The following WDR41 variants were observed in gnomAD, a reference collection of about 807,000 sequenced individuals.
The protein encoded by WDR41 is WD repeat-containing protein 41.
A neutral mutation model predicts 69.3 loss-of-function variants in WDR41; 63 were observed. That is an observed-to-expected ratio of 0.91 (90% CI 0.74 to 1.12). The LOEUF (loss-of-function observed/expected upper bound fraction) is 1.12, where lower values mean the gene tolerates loss of function less well. WDR41 is among the 50% of genes most tolerant of loss of function. The pLI, the probability that WDR41 is intolerant of heterozygous loss-of-function variation, is 0.00. For missense variants in WDR41, 543 were observed against 534.5 expected, an observed-to-expected ratio of 1.02 and a Z score of -0.16; for synonymous variants, 185 against 192.1, an observed-to-expected ratio of 0.96 and a Z score of 0.31.
chr5:77,602,775 A>C (rs1380214370), intron 1 of WDR41, among the ~76,000 whole-genome samples: 1 of 152,116 alleles, frequency 6.6e-6, no homozygotes, highest in African/African-American at 2.4e-5. Context: ...GCCCAGTAGT[A>C]GAATTTCTGG....
At chr5:77,557,555 A>T (rs1477533965) in intron 1 of WDR41, among the ~76,000 whole-genome samples, 1 of 152,220 alleles carries the variant, frequency 6.6e-6, no homozygotes, top group South Asian at 2.1e-4. Flanking sequence ...AAATTCTGAC[A>T]ATATTAAATG....
intron 1 of WDR41, among the ~76,000 whole-genome samples, chr5:77,562,115 AC>A (rs1743538571): frequency 6.6e-6 from 1 of 152,110 alleles, no homozygotes; most frequent in African/African-American, 2.4e-5. Context: ...GATGGCTGTG[AC>A]CTTCATGGTG....
chr5:77,615,143 A>G (rs900536282), intron 1 of WDR41, among the ~76,000 whole-genome samples: 2 of 152,202 alleles, frequency 1.3e-5, no homozygotes, highest in Non-Finnish European at 2.9e-5. Context: ...GCCCAACTCT[A>G]CAAGTTTATT....
chr5:77,486,670 CCA>C (rs1801537580), intron 2 of WDR41, among the ~76,000 whole-genome samples: 1 of 152,164 alleles, frequency 6.6e-6, no homozygotes, highest in Non-Finnish European at 1.5e-5. Context: ...TGGAGGGAGA[CCA>C]CAGTCATTTC....
intron 12 of WDR41, 46 bp from the exon 13 acceptor site, chr5:77,433,333 G>C (rs1554106899): frequency 1.3e-6 from 2 of 1,579,998 alleles, no homozygotes; most frequent in South Asian, 2.3e-5. Context: ...GAAAAGCAGA[G>C]AAGTGTCTAA....
At chr5:77,491,981 G>A (rs1801815149) in intron 1 of WDR41, 189 bp downstream of exon 1, 1 of 659,704 alleles carries the variant, frequency 1.5e-6, no homozygotes, top group Admixed American at 3.3e-5. Context: ...GGGTCCCGCC[G>A]GGTCTGAGGA....
chr5:77,588,633 A>C (rs1203295183), intron 1 of WDR41, among the ~76,000 whole-genome samples: 4 of 152,068 alleles, frequency 2.6e-5, no homozygotes, highest in Non-Finnish European at 5.9e-5. Context: ...AATTCTCATT[A>C]TTTGCAATAG....
At chr5:77,495,487 A>G (rs1187809416), upstream of WDR41, among the ~76,000 whole-genome samples, 4 of 152,094 alleles carry the variant, frequency 2.6e-5, no homozygotes, top group Non-Finnish European at 4.4e-5. Flanking sequence ...TGCGACCACT[A>G]TGAACAATCG....
rs570061818 is a variant in WDR41, at chr5:77,474,941, G to A, written c.168-10132C>T. Among the ~76,000 whole-genome samples the A allele has an allele frequency of 3.5e-3, 540 of 152,288 alleles. 8 individuals are homozygous for A. The highest frequency in any genetic ancestry group is 0.01 in the African/African-American group (429 of 41,556). ...CACTAGGGAGTGCCAGACAGTGGGC[G>A]CAGGTCAGTGGGTGCGTGCACCGTG... On this transcript the variant is annotated intron_variant, in intron 2 of 12. Coordinates refer to ENST00000296679, the MANE Select transcript of WDR41 (RefSeq NM_018268.4).
At chr5:77,594,080 C>G (rs1196247164) in intron 1 of WDR41, among the ~76,000 whole-genome samples, 1 of 151,922 alleles carries the variant, frequency 6.6e-6, no homozygotes, top group African/African-American at 2.4e-5. Flanking sequence ...TAAATCAAGT[C>G]ATTGAAAATA....
intron 1 of WDR41, among the ~76,000 whole-genome samples, chr5:77,507,393 A>T (rs1802125159): frequency 6.6e-6 from 1 of 152,074 alleles, no homozygotes; most frequent in Non-Finnish European, 1.5e-5. Flanking sequence ...CTTCTTTGTA[A>T]TTTGCCTTTA....
At chr5:77,608,267 C>T (rs758613906) in intron 1 of WDR41, among the ~76,000 whole-genome samples, 6 of 152,086 alleles carry the variant, frequency 3.9e-5, no homozygotes, top group African/African-American at 4.8e-5. Flanking sequence ...TTTTTAAGGC[C>T]GAATAATATT....
At chr5:77,596,983 A>G (rs563415889) in intron 1 of WDR41, among the ~76,000 whole-genome samples, 2 of 152,078 alleles carry the variant, frequency 1.3e-5, no homozygotes, top group African/African-American at 2.4e-5. Context: ...TTAGCCAGGC[A>G]TAGTAGTGCA....
At chr5:77,551,353 T>C (rs1376054997) in intron 1 of WDR41, among the ~76,000 whole-genome samples, 1 of 152,252 alleles carries the variant, frequency 6.6e-6, no homozygotes, top group Non-Finnish European at 1.5e-5. Context: ...AATTTTAGAA[T>C]GACTAACAAA....
chr5:77,447,650 C>T (rs1040149129), intron 8 of WDR41, among the ~76,000 whole-genome samples: 1 of 152,194 alleles, frequency 6.6e-6, no homozygotes, highest in African/African-American at 2.4e-5. Flanking sequence ...CCATCATTCT[C>T]AGCAAACTAA....
At chr5:77,578,394 A>G (rs891866749) in intron 1 of WDR41, among the ~76,000 whole-genome samples, 1 of 152,208 alleles carries the variant, frequency 6.6e-6, no homozygotes, top group Non-Finnish European at 1.5e-5. Context: ...TAGTATCCAT[A>G]GTACTACATA....
At chr5:77,451,507 G>T in intron 6 of WDR41, 154 bp from the exon 7 acceptor site, 1 of 626,728 alleles carries the variant, frequency 1.6e-6, no homozygotes, top group Non-Finnish European at 2.8e-6. Flanking sequence ...CTTACTAATG[G>T]AAAATGATTG....
intron 1 of WDR41, among the ~76,000 whole-genome samples, chr5:77,535,038 G>A (rs1419595292): frequency 2.0e-5 from 3 of 152,144 alleles, no homozygotes; most frequent in Admixed American, 6.5e-5. Flanking sequence ...TACCAAAGAC[G>A]TTCATGGATC....
At chr5:77,436,579 CT>C (rs1268003418) in intron 11 of WDR41, among the ~76,000 whole-genome samples, 185 bp from the exon 12 acceptor site, 2 of 152,190 alleles carry the variant, frequency 1.3e-5, no homozygotes, top group Non-Finnish European at 1.5e-5. Flanking sequence ...CTAACCAGGT[CT>C]GTTCTTCATC....
Sources: gnomAD v4.1 joint callset for allele counts (sites outside exome capture counted in the v4.1 genomes callset) on GRCh38, gnomAD v4.1.1 for gene constraint, MANE v1.5 for transcripts, NCBI Gene and HGNC (gene_info 2026-07-23, HGNC 2026-07-21) for gene names.